GRID1: variants seen among roughly 807,000 people sequenced by gnomAD.
GRID1 encodes glutamate ionotropic receptor delta type subunit 1, also known as glutamate receptor ionotropic, delta-1.
A neutral mutation model predicts 98.0 loss-of-function variants in GRID1; 28 were observed. The ratio of observed to expected loss-of-function variants is 0.29; its 90% CI spans 0.21 to 0.39. The LOEUF (loss-of-function observed/expected upper bound fraction) is 0.39, where lower values mean the gene tolerates loss of function less well. Among genes scored for constraint, GRID1 ranks in the 10% least tolerant of loss-of-function variants. The pLI is 1.00. For missense variants in GRID1, 1,111 were observed against 1,340.5 expected, an observed-to-expected ratio of 0.83 and a Z score of 2.67; for synonymous variants, 553 against 538.5, an observed-to-expected ratio of 1.03 and a Z score of -0.37.
chr10:86,248,264 G>A (rs570054765), intron 2 of GRID1, among the ~76,000 whole-genome samples: 1 of 152,280 alleles, frequency 6.6e-6, no homozygotes, highest in South Asian at 2.1e-4. Flanking sequence ...GCAGCAGGCT[G>A]GGGCTGCCTG....
chr10:86,086,403 T>C (rs952130032), intron 4 of GRID1, among the ~76,000 whole-genome samples: 9 of 152,158 alleles, frequency 5.9e-5, no homozygotes, highest in Non-Finnish European at 4.4e-5. Flanking sequence ...TCCGCACCCA[T>C]TGTTTTATTG....
At position 86,014,483 on chromosome 10, in the gene GRID1, C is replaced by T. The variant is rs568871666; in HGVS notation, c.727-98244G>A. ...TCCAGTACAAGGGCATATACATGGT[C>T]ATGCCTGTTCAGGCCCTGGAGCCAC... On this transcript the variant is annotated intron_variant, in intron 4 of 15. Transcript: ENST00000327946. Among the ~76,000 whole-genome samples, 13 of 152,362 alleles carry T rather than the reference C, an allele frequency of 8.5e-5. 1 individual carries two copies. The South Asian group carries it at 2.5e-3, about 29-fold the overall frequency.
intron 8 of GRID1, among the ~76,000 whole-genome samples, chr10:85,772,375 G>T (rs1842279860): frequency 6.6e-6 from 1 of 151,492 alleles, no homozygotes; most frequent in Admixed American, 6.6e-5. Flanking sequence ...AAGCAGGAAA[G>T]ATCCAAAATT....
At chr10:85,937,247 G>C (rs1049199080) in intron 4 of GRID1, among the ~76,000 whole-genome samples, 1 of 152,230 alleles carries the variant, frequency 6.6e-6, no homozygotes, top group African/African-American at 2.4e-5. Context: ...TAAAGATAAA[G>C]ATGGCCTGTG....
chr10:86,262,558 A>C (rs1847032090), intron 2 of GRID1, among the ~76,000 whole-genome samples: 1 of 152,192 alleles, frequency 6.6e-6, no homozygotes, highest in Non-Finnish European at 1.5e-5. Context: ...TTCTGGAGGA[A>C]GGGAACGTGG....
chr10:86,078,060 G>A (rs1051948333), intron 4 of GRID1, among the ~76,000 whole-genome samples: 3 of 152,238 alleles, frequency 2.0e-5, no homozygotes, highest in Non-Finnish European at 4.4e-5. Flanking sequence ...CCTGGGCTTA[G>A]AGGGAACTGG....
At chr10:85,983,469 A>G (rs1455206329) in intron 4 of GRID1, among the ~76,000 whole-genome samples, 1 of 152,218 alleles carries the variant, frequency 6.6e-6, no homozygotes, top group Admixed American at 6.5e-5. Context: ...AATCCCGGAA[A>G]TTAGCCTAGT....
intron 12 of GRID1, among the ~76,000 whole-genome samples, chr10:85,657,806 T>C (rs900775006): frequency 2.0e-5 from 3 of 152,162 alleles, no homozygotes; most frequent in South Asian, 2.1e-4. Context: ...AGGTTCTTTG[T>C]GGGTGCAGTG....
At chr10:86,005,301 A>G (rs1589333115) in intron 4 of GRID1, among the ~76,000 whole-genome samples, 1 of 152,186 alleles carries the variant, frequency 6.6e-6, no homozygotes, top group Non-Finnish European at 1.5e-5. Flanking sequence ...TACATTTGTA[A>G]TGCTTCCCAA....
intron 2 of GRID1, among the ~76,000 whole-genome samples, chr10:86,359,659 A>G (rs908514449): frequency 2.0e-5 from 3 of 152,214 alleles, no homozygotes; most frequent in Non-Finnish European, 4.4e-5. Context: ...CGACAGGTAT[A>G]TCTACAGCAT....
intron 8 of GRID1, among the ~76,000 whole-genome samples, chr10:85,767,353 T>G (rs1416989229): frequency 6.6e-6 from 1 of 151,782 alleles, no homozygotes; most frequent in Non-Finnish European, 1.5e-5. Flanking sequence ...TTACCCAGGC[T>G]GCAATTCCAC....
intron 5 of GRID1, among the ~76,000 whole-genome samples, chr10:85,879,839 T>G (rs1270141427): frequency 6.6e-6 from 1 of 152,062 alleles, no homozygotes; most frequent in African/African-American, 2.4e-5. Context: ...AGGAGCTGGT[T>G]TTTTGAAAGG....
chr10:85,756,235 G>A (rs148559365), intron 8 of GRID1, among the ~76,000 whole-genome samples: 2 of 152,288 alleles, frequency 1.3e-5, no homozygotes, highest in East Asian at 3.9e-4. Flanking sequence ...TTTGAGCTGT[G>A]AAGAATAAAT....
intron 8 of GRID1, among the ~76,000 whole-genome samples, chr10:85,838,269 C>T (rs1252702262): frequency 6.6e-6 from 1 of 152,182 alleles, no homozygotes; most frequent in African/African-American, 2.4e-5. Flanking sequence ...CTTCCCCAAC[C>T]TAGCTAGAGA....
intron 14 of GRID1, among the ~76,000 whole-genome samples, chr10:85,617,470 G>A (rs1015621510): frequency 4.6e-5 from 7 of 152,086 alleles, no homozygotes; most frequent in African/African-American, 9.7e-5. Context: ...CTGGCCTCAC[G>A]TGATCTGCCC....
At chr10:86,143,611 C>A (rs919955757) in intron 3 of GRID1, among the ~76,000 whole-genome samples, 1 of 152,208 alleles carries the variant, frequency 6.6e-6, no homozygotes, top group Non-Finnish European at 1.5e-5. Flanking sequence ...ACCAATGCAG[C>A]TTCCACCAAC....
chr10:85,807,224 C>A (rs1226891328), intron 8 of GRID1, among the ~76,000 whole-genome samples: 1 of 151,976 alleles, frequency 6.6e-6, no homozygotes, highest in Admixed American at 6.6e-5. Flanking sequence ...GTGGCGCGCA[C>A]CTGTAGTCTC....
intron 2 of GRID1, among the ~76,000 whole-genome samples, chr10:86,326,147 A>G (rs1250123099): frequency 2.0e-5 from 3 of 152,374 alleles, no homozygotes; most frequent in Admixed American, 2.0e-4. Context: ...AATAAAATCA[A>G]TAAAATCCCT....
intron 2 of GRID1, among the ~76,000 whole-genome samples, chr10:86,252,032 C>T (rs189191125): frequency 1.7e-4 from 26 of 152,296 alleles, no homozygotes; most frequent in Admixed American, 5.2e-4. Context: ...CGGGTGTCCC[C>T]GTTCCATACA....
Sources: gnomAD v4.1 joint callset for allele counts (sites outside exome capture counted in the v4.1 genomes callset) on GRCh38, gnomAD v4.1.1 for gene constraint, MANE v1.5 for transcripts, NCBI Gene and HGNC (gene_info 2026-07-23, HGNC 2026-07-21) for gene names.